KCNU1: variants seen among roughly 807,000 people sequenced by gnomAD.
The protein encoded by KCNU1 is potassium calcium-activated channel subfamily U member 1.
KCNU1 carries 93 observed loss-of-function variants against 126.8 expected under a neutral mutation model. The observed-to-expected ratio is 0.73, with a 90% CI of 0.62 to 0.87. The LOEUF (loss-of-function observed/expected upper bound fraction) is 0.87. Ranked by LOEUF, KCNU1 falls within the 40% of genes least tolerant of loss-of-function variation. The pLI is 0.00. For missense variants in KCNU1, 1,330 were observed against 1,367.1 expected, an observed-to-expected ratio of 0.97 and a Z score of 0.43; for synonymous variants, 523 against 494.2, an observed-to-expected ratio of 1.06 and a Z score of -0.77.
intron 24 of KCNU1, among the ~76,000 whole-genome samples, chr8:36,925,620 A>G (rs1479312505): frequency 3.3e-5 from 5 of 152,132 alleles, no homozygotes; most frequent in African/African-American, 1.2e-4. Flanking sequence ...TCCCATCACC[A>G]AAGAAAGACC....
chr8:36,846,671 G>A (rs12334385), intron 18 of KCNU1, among the ~76,000 whole-genome samples: 4,278 of 151,882 alleles, frequency 0.028, 214 homozygotes, highest in African/African-American at 0.098. Context: ...GCGTGGCAGC[G>A]TGTGCCTGTG....
chr8:36,828,407 T>A (rs1158584383), intron 10 of KCNU1, among the ~76,000 whole-genome samples: 2 of 152,142 alleles, frequency 1.3e-5, no homozygotes, highest in Non-Finnish European at 2.9e-5. Flanking sequence ...GTCAATTTTT[T>A]AAATATCACT....
At chr8:36,876,390 A>G (rs1806279671) in intron 19 of KCNU1, among the ~76,000 whole-genome samples, 1 of 152,210 alleles carries the variant, frequency 6.6e-6, no homozygotes, top group Non-Finnish European at 1.5e-5. Context: ...TCAAAGAGCT[A>G]TGTCAGAGGA....
chr8:36,854,240 A>C (rs1156821263), intron 18 of KCNU1, among the ~76,000 whole-genome samples: 1 of 152,072 alleles, frequency 6.6e-6, no homozygotes, highest in Non-Finnish European at 1.5e-5. Flanking sequence ...TAAGCTTTTT[A>C]GTTGTGTAGA....
intron 18 of KCNU1, among the ~76,000 whole-genome samples, chr8:36,852,919 A>G (rs1301812754): frequency 6.6e-6 from 1 of 151,550 alleles, no homozygotes; most frequent in African/African-American, 2.4e-5. Context: ...CAATTGATTT[A>G]TTTTCATTCT....
chr8:36,926,258 TAG>T (rs1808528481), intron 24 of KCNU1, among the ~76,000 whole-genome samples: 2 of 152,178 alleles, frequency 1.3e-5, no homozygotes, highest in African/African-American at 4.8e-5. Context: ...TATGTGATCC[TAG>T]AGTCATTCCT....
intron 10 of KCNU1, among the ~76,000 whole-genome samples, chr8:36,832,580 T>C (rs1186030314): frequency 6.6e-6 from 1 of 152,180 alleles, no homozygotes; most frequent in Admixed American, 6.5e-5. Context: ...GTATTGTATC[T>C]TCTTTGTTCA....
chr8:36,798,013 C>G (rs533076487), intron 2 of KCNU1, among the ~76,000 whole-genome samples: 1 of 152,288 alleles, frequency 6.6e-6, no homozygotes, highest in South Asian at 2.1e-4. Context: ...AAAAGGGAAC[C>G]GTTTGTTGCT....
At chr8:36,870,720 A>G (rs1391855225) in intron 19 of KCNU1, among the ~76,000 whole-genome samples, 2 of 152,190 alleles carry the variant, frequency 1.3e-5, no homozygotes, top group Non-Finnish European at 2.9e-5. Flanking sequence ...CCAGACAAGC[A>G]TAGGCTTTCC....
chr8:36,856,395 T>C (rs1805529387), intron 18 of KCNU1, among the ~76,000 whole-genome samples: 1 of 152,238 alleles, frequency 6.6e-6, no homozygotes, highest in African/African-American at 2.4e-5. Context: ...ATGGATATTG[T>C]AGATAATTAT....
At chr8:36,840,375 G>GCAATGTGCATGCAGAC in intron 14 of KCNU1, 88 bp from the exon 15 acceptor site, 1 of 673,670 alleles carries the variant, frequency 1.5e-6, no homozygotes, top group African/African-American at 1.8e-5. Flanking sequence ...ATGAAGACTT[G>GCAATGTGCATGCAGAC]TTTGTGCTTA....
chr8:36,832,222 C>T (rs1804579110), intron 10 of KCNU1, among the ~76,000 whole-genome samples: 2 of 152,248 alleles, frequency 1.3e-5, no homozygotes, highest in Admixed American at 1.3e-4. Context: ...TCTTTTGGCT[C>T]ATGATTGACT....
In KCNU1 at chr8:36,905,578, C is replaced by A; in HGVS notation, c.2010-130C>A. ...CCTAAGCCTTTATTCTAGAGTCTTA[C>A]AGACCTGAGGTCATTCTACTTATGC... On this transcript the variant is annotated intron_variant, in intron 19 of 26. Coordinates refer to ENST00000399881, the MANE Select transcript of KCNU1 (RefSeq NM_001031836.3). 5 of 650,744 alleles carry A rather than the reference C, an allele frequency of 7.7e-6. No homozygotes were observed. The East Asian group carries it at 8.4e-5, about 11-fold the overall frequency. 40.3% of individuals were successfully genotyped at this position (650,744 alleles called of 1,614,324 possible). A position where few individuals can be genotyped will look rare whatever the true frequency, so the allele number is the denominator to read the frequency against.
At chr8:36,883,101 TTC>T (rs1806548904) in intron 19 of KCNU1, among the ~76,000 whole-genome samples, 1 of 152,216 alleles carries the variant, frequency 6.6e-6, no homozygotes, top group Admixed American at 6.5e-5. Flanking sequence ...CATAGTAATT[TTC>T]TTGTCTCATG....
rs182242164 is a variant in KCNU1, at chr8:36,890,554, T to C, written c.2010-15154T>C. Among the ~76,000 whole-genome samples the C allele has an allele frequency of 2.4e-3, 365 of 152,000 alleles. 1 individual carries two copies. The highest frequency in any genetic ancestry group is 8.5e-3 in the African/African-American group (354 of 41,528). ...CAAAAAGAGATAAAATGAAATCATA[T>C]AAAATGCTCAATCAAAACCAGAGAA... On this transcript the variant is annotated intron_variant, in intron 19 of 26. Coordinates refer to ENST00000399881, the MANE Select transcript of KCNU1 (RefSeq NM_001031836.3).
intron 3 of KCNU1, among the ~76,000 whole-genome samples, chr8:36,804,842 GAATT>G (rs1457638796): frequency 6.6e-6 from 1 of 152,040 alleles, no homozygotes; most frequent in African/African-American, 2.4e-5. Flanking sequence ...TATCAGAAGA[GAATT>G]AATTCAAAAT....
intron 16 of KCNU1, among the ~76,000 whole-genome samples, chr8:36,842,309 T>A (rs181870551): frequency 2.2e-3 from 342 of 152,308 alleles, no homozygotes; most frequent in African/African-American, 7.5e-3. Flanking sequence ...ATGTGAAAAG[T>A]TGGGAAAGCA....
intron 14 of KCNU1, among the ~76,000 whole-genome samples, chr8:36,837,813 T>C (rs952747429): frequency 6.6e-6 from 1 of 152,210 alleles, no homozygotes; most frequent in African/African-American, 2.4e-5. Flanking sequence ...CTAAAGTGCT[T>C]GCAGAGAATG....
chr8:36,799,674 A>C (rs1379647991), intron 2 of KCNU1, among the ~76,000 whole-genome samples: 1 of 149,864 alleles, frequency 6.7e-6, no homozygotes, highest in Non-Finnish European at 1.5e-5. Context: ...AGCTGGGACT[A>C]CAGGCACACG....
Sources: gnomAD v4.1 joint callset for allele counts (sites outside exome capture counted in the v4.1 genomes callset) on GRCh38, gnomAD v4.1.1 for gene constraint, MANE v1.5 for transcripts, NCBI Gene and HGNC (gene_info 2026-07-23, HGNC 2026-07-21) for gene names.